Variants in SEC16A observed in about 807,000 individuals in gnomAD.
The protein encoded by SEC16A is protein transport protein Sec16A.
In SEC16A, 110 loss-of-function variants were observed where a neutral mutation model predicts 221.9. That is an observed-to-expected ratio of 0.50 (90% CI 0.42 to 0.58). The LOEUF (loss-of-function observed/expected upper bound fraction) is 0.58. SEC16A is among the 20% of genes least tolerant of loss of function. The pLI is 0.00. For synonymous variants in SEC16A, 1,393 were observed against 1,257.7 expected, an observed-to-expected ratio of 1.11 and a Z score of -2.28; for missense variants, 3,165 against 3,097.8, an observed-to-expected ratio of 1.02 and a Z score of -0.52.
rs1838648669 is a variant in SEC16A, at chr9:136,456,229, CAAA to C, written c.5551-66_5551-64del. The C allele has an allele frequency of 3.2e-6, 4 of 1,261,644 alleles. No individual in the cohort carries two copies. The Admixed American group carries it at 7.4e-5, about 23-fold the overall frequency. The allele number at this position is 1,261,644 out of a possible 1,614,324, so 78.2% of individuals were successfully genotyped here. On this transcript the variant is annotated intron_variant, in intron 18 of 31. Transcript: ENST00000684901. ...CGGGTGATGGCAAGTGAGCCGTCTT[CAAA>C]ATGCCGGGCAATGCAGCTTCAGTGT...
At chr9:136,484,685 C>T (rs776483533), upstream of SEC16A, 33 of 1,366,340 alleles carry the variant, frequency 2.4e-5, no homozygotes, top group Admixed American at 4.4e-4. Flanking sequence ...GCCAGCAGGG[C>T]CGCAGGCGGT....
chr9:136,476,419 G>A lies in SEC16A; in HGVS notation c.1197C>T (p.Asp399=). ...SEKAGLSGQA[D]FDDFCSSPGL... ...CAGGGCTGGAGCAGAAATCGTCAAA[G>A]TCCGCTTGACCAGATAAGCCTGCTT... is the stretch of plus-strand genomic sequence containing the variant. Residue 399 remains aspartate (D), a synonymous_variant, in exon 3 of 32, where the codon GAC becomes GAT. Coordinates refer to ENST00000684901, the MANE Select transcript of SEC16A (RefSeq NM_014866.2). The A allele has an allele frequency of 2.5e-6, 4 of 1,612,982 alleles. No homozygotes were observed. The highest frequency in any genetic ancestry group is 3.4e-6 in the Non-Finnish European group (4 of 1,179,840).
intron 4 of SEC16A, among the ~76,000 whole-genome samples, chr9:136,470,473 C>T (rs1321250059): frequency 6.6e-6 from 1 of 152,224 alleles, no homozygotes; most frequent in East Asian, 1.9e-4. Flanking sequence ...TGTCTGCTCA[C>T]CCTCACCCGG....
Position 136,477,351 on chromosome 9 carries a change from G to T in SEC16A, c.265C>A (p.His89Asn), listed in dbSNP as rs769233951. Residue 89 changes from histidine to asparagine, a missense_variant, in exon 3 of 32, where the codon CAC becomes AAC. Physicochemically the swap from His to Asn is moderately conservative, Grantham distance 68. Transcript: ENST00000684901. ...GTGTGAGGAACAAGCAAACCGGGGT[G>T]CTGAGAAAACCCTGCGGGGGCTGGG... ...QGPAPAGFSQ[H>N]PGLLVPHTHA... 1.2e-6 allele frequency: 2 copies of T among 1,614,010 alleles called. No homozygotes were observed. Among genetic ancestry groups the T allele is most frequent in the Non-Finnish European group, 1.7e-6 (2 of 1,179,882 alleles).
At chr9:136,450,587 G>A (rs962991666) in intron 23 of SEC16A, among the ~76,000 whole-genome samples, 1 of 152,174 alleles carries the variant, frequency 6.6e-6, no homozygotes, top group Non-Finnish European at 1.5e-5. Context: ...TCGCTGTGGA[G>A]ATGCAGAGGA....
chr9:136,472,254 C>A (rs998614882), intron 3 of SEC16A, 143 bp from the exon 4 acceptor site: 1 of 935,376 alleles, frequency 1.1e-6, no homozygotes. Flanking sequence ...CCAGCCTGAG[C>A]TAGAAACATC....
At position 136,476,155 on chromosome 9, in the gene SEC16A, G is replaced by A; in HGVS notation, c.1461C>T (p.Phe487=). 1 of 1,613,874 alleles carries A rather than the reference G, an allele frequency of 6.2e-7. No homozygotes were observed. The highest frequency in any genetic ancestry group is 8.5e-7 in the Non-Finnish European group (1 of 1,179,884). Residue 487 remains phenylalanine, a synonymous_variant, in exon 3 of 32, where the codon TTC becomes TTT. Coordinates refer to ENST00000684901, the MANE Select transcript of SEC16A (RefSeq NM_014866.2). The part of the protein sequence containing the change: ...NLDPSSPSDQ[F]RYGPLPGPAV... ...CTGGCCCAGGAAGGGGCCCATATCT[G>A]AACTGGTCACTCGGGGAGGAAGGGT...
chr9:136,472,184 G>A, intron 3 of SEC16A, 73 bp from the exon 4 acceptor site: 1 of 1,578,586 alleles, frequency 6.3e-7, no homozygotes. Flanking sequence ...AGCCTGAGCT[G>A]GAAACATTGC....
intron 2 of SEC16A, 113 bp from the exon 3 acceptor site, chr9:136,477,797 A>C: frequency 1.2e-5 from 13 of 1,094,854 alleles, no homozygotes; most frequent in Admixed American, 3.0e-5. Flanking sequence ...TGTCACTTAA[A>C]TCCCAAGGAC....
chr9:136,463,588 T>C lies in SEC16A; in HGVS notation c.4522A>G (p.Lys1508Glu). 1 of 1,613,766 alleles carries C rather than the reference T, an allele frequency of 6.2e-7. No homozygotes were observed. Among genetic ancestry groups the C allele is most frequent in the Non-Finnish European group, 8.5e-7 (1 of 1,179,816 alleles). ...TGTGCAAAATTAATGACATCCACCT[T>C]ATGGGTGTCGTCTCTGCAGAAAGAA... ...PGPLAKDDTH[K>E]VDVINFAQNK... Residue 1508 changes from lysine (K) to glutamate (E), a missense_variant, in exon 11 of 32, where the codon AAG becomes GAG. Around this residue, in one of 3 missense-constraint regions of SEC16A, gnomAD observed 47 missense variants for 85.0 expected, o/e 0.55. Coordinates refer to ENST00000684901, the MANE Select transcript of SEC16A (RefSeq NM_014866.2).
rs1340873267 is a variant in SEC16A, at chr9:136,463,668, AAGG to A, written c.4508+8_4508+10del. 2.2e-5 allele frequency: 35 copies of A among 1,613,514 alleles called. No individual in the cohort carries two copies. The highest frequency in any genetic ancestry group is 2.9e-5 in the Non-Finnish European group (34 of 1,179,734). ...CGGGCTCACAAAGAAATGCCTCAAC[AAGG>A]AACATACTTGGCCAGGGGTCCCGGG... On this transcript the variant is annotated splice_region_variant and intron_variant, in intron 10 of 31. Transcript: ENST00000684901.
Position 136,460,135 on chromosome 9 carries a change from T to A in SEC16A, c.4992-12A>T, listed in dbSNP as rs370674457. On this transcript the variant is annotated splice_polypyrimidine_tract_variant and intron_variant, in intron 13 of 31. Transcript: ENST00000684901. ...GGCTGTTAGCAAACCTAGGCAGACATAAACACAGAAAGACCCCATGCTGGC... is the reference window on the plus strand; with the variant it reads ...GGCTGTTAGCAAACCTAGGCAGACAAAAACACAGAAAGACCCCATGCTGGC... The A allele has an allele frequency of 3.1e-5, 49 of 1,592,328 alleles. No homozygotes were observed. Among genetic ancestry groups the A allele is most frequent in the Non-Finnish European group, 4.1e-5 (48 of 1,168,574 alleles).
At chr9:136,478,095 C>A (rs971167932) in intron 2 of SEC16A, among the ~76,000 whole-genome samples, 1 of 152,202 alleles carries the variant, frequency 6.6e-6, no homozygotes. Flanking sequence ...CCAGGAAGAG[C>A]CAACTCTTCT....
At chr9:136,442,261 A>C (rs888544831) in intron 31 of SEC16A, among the ~76,000 whole-genome samples, 10 of 152,250 alleles carry the variant, frequency 6.6e-5, no homozygotes, top group Non-Finnish European at 1.0e-4. Context: ...AAAGCCAAGG[A>C]ATTTTTGTAA....
intron 17 of SEC16A, among the ~76,000 whole-genome samples, 177 bp downstream of exon 17, chr9:136,458,957 A>C (rs1839101649): frequency 6.6e-6 from 1 of 152,198 alleles, no homozygotes; most frequent in Non-Finnish European, 1.5e-5. Flanking sequence ...GGAAAGCCTC[A>C]ATTCAATGGG....
At chr9:136,444,006 AC>A in intron 30 of SEC16A, 106 bp from the exon 31 acceptor site, 1 of 678,832 alleles carries the variant, frequency 1.5e-6, no homozygotes, top group Non-Finnish European at 2.4e-6. Context: ...CAGTACTTTT[AC>A]ATAAGCTACA....
chr9:136,459,594 G>T lies in SEC16A; in HGVS notation c.5192-39C>A. Reference sequence around the variant, plus strand: ...ACACGACACACGGCGGGGGCTCAGCGACCGGGAGCGCTTGCAGAAGTCAAG... The same window carrying T: ...ACACGACACACGGCGGGGGCTCAGCTACCGGGAGCGCTTGCAGAAGTCAAG... On this transcript the variant is annotated intron_variant, in intron 15 of 31. Transcript: ENST00000684901. The surrounding 1 kb of genome is among the most constrained non-coding windows in gnomAD (Gnocchi z 6.1). The T allele has an allele frequency of 1.3e-6, 2 of 1,495,114 alleles. No individual in the cohort carries two copies. Among genetic ancestry groups the T allele is most frequent in the South Asian group, 1.2e-5 (1 of 83,152 alleles). The allele number at this position is 1,495,114 out of a possible 1,614,324, so 92.6% of individuals were successfully genotyped here.
chr9:136,482,856 G>A (rs1842584247), intron 1 of SEC16A, 82 bp downstream of exon 1: 4 of 488,262 alleles, frequency 8.2e-6, no homozygotes, highest in South Asian at 8.5e-5. Context: ...TCCGCGCCCC[G>A]ACCTCCACGG....
chr9:136,441,870 T>A (rs905172666), intron 31 of SEC16A, 47 bp from the exon 32 acceptor site: 5 of 1,545,454 alleles, frequency 3.2e-6, no homozygotes, highest in East Asian at 4.5e-5. Flanking sequence ...GCCCCCAGGG[T>A]GAGCAGTGCT....
Sources: allele counts gnomAD v4.1 joint callset (sites outside exome capture counted in the v4.1 genomes callset), GRCh38; gene constraint gnomAD v4.1.1; regional missense constraint gnomAD v4.1.1; non-coding constraint Gnocchi (gnomAD v3.1); transcripts MANE v1.5; gene names NCBI Gene and HGNC (gene_info 2026-07-23, HGNC 2026-07-21).